Variants in PCDHA1 observed in about 807,000 individuals in gnomAD.
PCDHA1 encodes protocadherin alpha 1.
A neutral mutation model predicts 61.3 loss-of-function variants in PCDHA1; 42 were observed. That is an observed-to-expected ratio of 0.69 (90% CI 0.54 to 0.89). The LOEUF (loss-of-function observed/expected upper bound fraction) is 0.89, where lower values mean the gene tolerates loss of function less well. Among genes scored for constraint, PCDHA1 ranks in the 40% least tolerant of loss-of-function variants. The pLI is 0.00. For synonymous variants in PCDHA1, 610 were observed against 553.8 expected, an observed-to-expected ratio of 1.10 and a Z score of -1.43; for missense variants, 1,256 against 1,235.3, an observed-to-expected ratio of 1.02 and a Z score of -0.25.
chr5:140,828,429 C>A (rs2150155314), intron 1 of PCDHA1: 7 of 1,614,216 alleles, frequency 4.3e-6, no homozygotes, highest in East Asian at 2.2e-5. Context: ...GTGGACAGGC[C>A]GCTGCAGGTT....
chr5:140,985,739 CTTTTTTTTT>C (rs11372071), intron 3 of PCDHA1, among the ~76,000 whole-genome samples: 4 of 117,922 alleles, frequency 3.4e-5, no homozygotes, highest in African/African-American at 3.2e-5. Flanking sequence ...TGATGAATTC[CTTTTTTTTT>C]TTTTTTTTTT....
In PCDHA1 at chr5:140,802,408, A is replaced by G. The variant is rs782292816; in HGVS notation, c.2394+13724A>G. The G allele has an allele frequency of 3.7e-6, 6 of 1,614,092 alleles. No individual in the cohort carries two copies. In the African/African-American group the frequency reaches 6.7e-5, roughly 18 times the overall value. ...AAGCTGGTGTCCACCTTCAAGAATT[A>G]CTACTCATTGGTGCTGGACAGCCCT... On this transcript the variant is annotated intron_variant, in intron 1 of 3. Transcript: ENST00000504120.
chr5:140,981,694 A>C (rs1407083166), intron 2 of PCDHA1, among the ~76,000 whole-genome samples: 1 of 151,154 alleles, frequency 6.6e-6, no homozygotes, highest in Non-Finnish European at 1.5e-5. Context: ...TCCATCATTC[A>C]TTCATTCATT....
intron 1 of PCDHA1, chr5:140,823,645 G>C: frequency 6.2e-7 from 1 of 1,614,010 alleles, no homozygotes; most frequent in Middle Eastern, 1.7e-4. Flanking sequence ...GTTCCGCGTG[G>C]GGCTGTACAC....
intron 1 of PCDHA1, among the ~76,000 whole-genome samples, chr5:140,826,710 A>T (rs1769024530): frequency 6.6e-6 from 1 of 152,218 alleles, no homozygotes. Flanking sequence ...GGTGGTATTG[A>T]GAAAGAGGAA....
At chr5:140,971,434 A>T (rs1243393478) in intron 1 of PCDHA1, among the ~76,000 whole-genome samples, 1 of 152,188 alleles carries the variant, frequency 6.6e-6, no homozygotes, top group Non-Finnish European at 1.5e-5. Flanking sequence ...GAACCCCAAG[A>T]TCTACAGCTC....
At chr5:140,823,937 G>A (rs2150130560) in intron 1 of PCDHA1, 19 of 1,613,788 alleles carry the variant, frequency 1.2e-5, no homozygotes, top group Middle Eastern at 1.6e-4. Context: ...ACCGCGCTGC[G>A]GTGCTCGGCG....
intron 3 of PCDHA1, among the ~76,000 whole-genome samples, chr5:140,986,408 C>G (rs1587158509): frequency 6.6e-6 from 1 of 152,176 alleles, no homozygotes; most frequent in East Asian, 1.9e-4. Context: ...GCTCATGTTA[C>G]AGCTCTTTTT....
chr5:140,945,321 A>G (rs558331825), intron 1 of PCDHA1, among the ~76,000 whole-genome samples: 1 of 152,258 alleles, frequency 6.6e-6, no homozygotes, highest in Non-Finnish European at 1.5e-5. Flanking sequence ...AAATGGAAAT[A>G]TATTTTATGT....
At chr5:140,862,980 C>T in intron 1 of PCDHA1, 1 of 545,508 alleles carries the variant, frequency 1.8e-6, no homozygotes, top group South Asian at 1.4e-5. Flanking sequence ...CACTTGGTGG[C>T]GAAGGTGCGC....
intron 1 of PCDHA1, among the ~76,000 whole-genome samples, chr5:140,901,330 C>T (rs576918477): frequency 6.6e-6 from 1 of 152,108 alleles, no homozygotes; most frequent in African/African-American, 2.4e-5. Flanking sequence ...TTCTTGTAGT[C>T]GTTTTATAGT....
intron 1 of PCDHA1, among the ~76,000 whole-genome samples, chr5:140,921,890 G>A (rs1167996919): frequency 1.3e-5 from 2 of 151,710 alleles, no homozygotes; most frequent in African/African-American, 2.4e-5. Flanking sequence ...ATTTTAGAAA[G>A]GAGGATAAAT....
At chr5:140,817,472 T>G (rs1241284280) in intron 1 of PCDHA1, 1 of 152,252 alleles carries the variant, frequency 6.6e-6, no homozygotes, top group African/African-American at 2.4e-5. Context: ...TGTCACTACC[T>G]CTGTTATCTT....
At chr5:140,851,863 T>C in intron 1 of PCDHA1, 1 of 976,024 alleles carries the variant, frequency 1.0e-6, no homozygotes, top group Non-Finnish European at 1.2e-6. Flanking sequence ...AGCTCATACA[T>C]AACACAAGGC....
chr5:140,930,423 A>G (rs1366004853), intron 1 of PCDHA1: 3 of 151,862 alleles, frequency 2.0e-5, no homozygotes, highest in African/African-American at 7.3e-5. Flanking sequence ...GGGTCTCACT[A>G]TGTTGCCCAG....
chr5:140,850,784 T>C (rs2150498192), intron 1 of PCDHA1: 7 of 1,597,982 alleles, frequency 4.4e-6, no homozygotes, highest in South Asian at 1.1e-5. Flanking sequence ...CTGGCGAGGG[T>C]AAGCAGAAGA....
chr5:140,981,456 C>G (rs2096933076), intron 2 of PCDHA1, among the ~76,000 whole-genome samples: 1 of 152,054 alleles, frequency 6.6e-6, no homozygotes, highest in African/African-American at 2.4e-5. Flanking sequence ...TGCCTGTAGT[C>G]CCAGCTACTT....
intron 1 of PCDHA1, chr5:140,876,546 T>A (rs782795906): frequency 6.2e-7 from 1 of 1,614,218 alleles, no homozygotes; most frequent in Non-Finnish European, 8.5e-7. Context: ...TGTCGCTCCC[T>A]GTGCAAGAGG....
chr5:140,836,593 C>T, intron 1 of PCDHA1: 1 of 1,613,672 alleles, frequency 6.2e-7, no homozygotes, highest in Non-Finnish European at 8.5e-7. Context: ...TTGGTAAAGC[C>T]CACTCTGGTG....
Sources: allele counts gnomAD v4.1 joint callset (sites outside exome capture counted in the v4.1 genomes callset), GRCh38; gene constraint gnomAD v4.1.1; transcripts MANE v1.5; gene names NCBI Gene and HGNC (gene_info 2026-07-23, HGNC 2026-07-21).